The following MYRIP variants were observed in gnomAD, a reference collection of about 807,000 sequenced individuals.
The protein encoded by MYRIP is rab effector MyRIP.
Under a neutral mutation model 98.0 loss-of-function variants are expected in MYRIP, and 49 were observed. The observed-to-expected ratio is 0.50, with a 90% CI of 0.40 to 0.63. The LOEUF (loss-of-function observed/expected upper bound fraction) is 0.63, where lower values mean the gene tolerates loss of function less well. Among genes scored for constraint, MYRIP ranks in the 30% least tolerant of loss-of-function variants. The probability of loss-of-function intolerance (pLI) is 0.00; values close to 1 mark genes in which losing one functional copy is unlikely to be tolerated. For synonymous variants in MYRIP, 404 were observed against 409.5 expected (o/e 0.99, Z 0.16); for missense variants, 1,004 against 1,058.2 (o/e 0.95, Z 0.71).
chr3:40,169,814 C>A, intron 7 of MYRIP, 136 bp from the exon 8 acceptor site: 2 of 973,384 alleles, frequency 2.1e-6, no homozygotes, highest in Non-Finnish European at 3.1e-6. Context: ...TAGCGCAGAT[C>A]TGAAACAGCC....
rs575260755 is a variant in MYRIP, at chr3:40,161,477, A to C, written c.470-1253A>C. On this transcript the variant is annotated intron_variant, in intron 4 of 16. Transcript: ENST00000302541. The stretch of plus-strand genomic sequence containing the variant: ...GGCCTACAGGGCATGCCAGGCAGAG[A>C]CTTGCCCTGGTGTGCAGCTGCAGAG... Among the ~76,000 whole-genome samples the C allele has an allele frequency of 5.0e-4, 76 of 152,228 alleles. 1 individual carries two copies. Among genetic ancestry groups the C allele is most frequent in the African/African-American group, 1.8e-3 (73 of 41,542 alleles).
intron 10 of MYRIP, among the ~76,000 whole-genome samples, chr3:40,204,775 G>T (rs936434664): frequency 6.6e-6 from 1 of 152,150 alleles, no homozygotes; most frequent in Non-Finnish European, 1.5e-5. Flanking sequence ...CTTAGAGCTA[G>T]ATGGTGTCCT....
At position 39,870,094 on chromosome 3, in the gene MYRIP, T is replaced by C. The variant is rs78508675; in HGVS notation, c.-30-30693T>C. Among the ~76,000 whole-genome samples, 1,509 of 152,102 alleles carry C rather than the reference T, an allele frequency of 9.9e-3. 27 individuals carry two copies. Among genetic ancestry groups the C allele is most frequent in the African/African-American group, 0.035 (1,447 of 41,524 alleles). ...TTGCCATGACTGGAATGCAGTCACA[T>C]CCAGGGCAAGGGCAAGGGCAGGGGC... On this transcript the variant is annotated intron_variant, in intron 1 of 16. Transcript: ENST00000302541.
Position 40,180,821 on chromosome 3 carries a change from C to T in MYRIP, c.874-1399C>T, listed in dbSNP as rs530782340. Among the ~76,000 whole-genome samples the T allele has an allele frequency of 7.2e-5, 11 of 152,304 alleles. No homozygotes were observed. The East Asian group carries it at 1.5e-3, about 21-fold the overall frequency. On this transcript the variant is annotated intron_variant, in intron 8 of 16. Coordinates refer to ENST00000302541, the MANE Select transcript of MYRIP (RefSeq NM_015460.4). ...TCGTGGGGAAAGTAGAGGTTTCCTACGACTCTGAATCTGAACTGGCCTGCA... is the reference window on the plus strand; with the variant it reads ...TCGTGGGGAAAGTAGAGGTTTCCTATGACTCTGAATCTGAACTGGCCTGCA...
chr3:40,162,434 T>G (rs1424971786), intron 4 of MYRIP, among the ~76,000 whole-genome samples: 1 of 152,160 alleles, frequency 6.6e-6, no homozygotes, highest in Non-Finnish European at 1.5e-5. Flanking sequence ...ACCTTACATC[T>G]CTCAGACTTT....
chr3:40,224,401 CA>C (rs1264025236), intron 11 of MYRIP, among the ~76,000 whole-genome samples: 1 of 129,096 alleles, frequency 7.7e-6, no homozygotes, highest in African/African-American at 3.2e-5. Context: ...GAGGAACAGT[CA>C]GTATAAAAAA....
At chr3:39,949,271 C>T (rs1245119817) in intron 2 of MYRIP, among the ~76,000 whole-genome samples, 1 of 152,084 alleles carries the variant, frequency 6.6e-6, no homozygotes, top group African/African-American at 2.4e-5. Flanking sequence ...AAGCATATTA[C>T]AAGAAACTTG....
chr3:39,831,947 C>T (rs1941462780), intron 1 of MYRIP, among the ~76,000 whole-genome samples: 1 of 152,110 alleles, frequency 6.6e-6, no homozygotes, highest in Non-Finnish European at 1.5e-5. Context: ...ATATTCACAA[C>T]CAAGTTAAAG....
intron 2 of MYRIP, among the ~76,000 whole-genome samples, chr3:40,004,991 A>G (rs1946602065): frequency 1.3e-5 from 2 of 151,840 alleles, no homozygotes; most frequent in Non-Finnish European, 2.9e-5. Flanking sequence ...TCCATACTTA[A>G]TATTTAGCTC....
chr3:40,072,009 T>C (rs1353132470), intron 3 of MYRIP, among the ~76,000 whole-genome samples: 1 of 152,124 alleles, frequency 6.6e-6, no homozygotes. Flanking sequence ...CAGAATGGCA[T>C]GCCATTCAAA....
At chr3:39,958,059 G>C (rs1358915985) in intron 2 of MYRIP, among the ~76,000 whole-genome samples, 1 of 152,194 alleles carries the variant, frequency 6.6e-6, no homozygotes, top group South Asian at 2.1e-4. Flanking sequence ...AACATTCCAT[G>C]CTCATGGATA....
intron 2 of MYRIP, among the ~76,000 whole-genome samples, chr3:40,000,617 C>G (rs1267831798): frequency 6.6e-6 from 1 of 152,106 alleles, no homozygotes; most frequent in African/African-American, 2.4e-5. Flanking sequence ...CTGGGAGGTA[C>G]TTGAGGGACT....
At chr3:40,237,943 G>C (rs1575668032) in intron 12 of MYRIP, among the ~76,000 whole-genome samples, 1 of 152,320 alleles carries the variant, frequency 6.6e-6, no homozygotes, top group Non-Finnish European at 1.5e-5. Context: ...GGCCTTATTG[G>C]AGTTTTCATC....
chr3:39,985,999 A>G (rs956713828), intron 2 of MYRIP, among the ~76,000 whole-genome samples: 7 of 152,220 alleles, frequency 4.6e-5, no homozygotes, highest in Non-Finnish European at 1.0e-4. Context: ...AGCAAAAGAA[A>G]CTACCATCAG....
At chr3:40,199,687 C>G (rs1951499748) in intron 10 of MYRIP, among the ~76,000 whole-genome samples, 1 of 152,100 alleles carries the variant, frequency 6.6e-6, no homozygotes, top group African/African-American at 2.4e-5. Flanking sequence ...TAATCATTCC[C>G]CTCTGCCCTT....
intron 12 of MYRIP, among the ~76,000 whole-genome samples, chr3:40,240,248 T>C (rs1952964513): frequency 6.6e-6 from 1 of 152,166 alleles, no homozygotes; most frequent in South Asian, 2.1e-4. Context: ...GAGGGCTCTG[T>C]TGTGTTCCAT....
intron 2 of MYRIP, among the ~76,000 whole-genome samples, chr3:39,909,491 C>G (rs556295219): frequency 1.3e-5 from 2 of 152,052 alleles, no homozygotes; most frequent in African/African-American, 2.4e-5. Flanking sequence ...TGAGCTAAAT[C>G]CTATATGAAT....
intron 4 of MYRIP, among the ~76,000 whole-genome samples, chr3:40,152,175 C>T (rs1044302726): frequency 1.3e-5 from 2 of 152,156 alleles, no homozygotes; most frequent in African/African-American, 4.8e-5. Context: ...TCAACAATTT[C>T]TCTAAATACT....
rs1337744495 is a variant in MYRIP, at chr3:40,209,906, A to G, written c.1718A>G (p.Gln573Arg). The change falls in exon 11 of 17, where the codon CAG becomes CGG. Residue 573 changes from glutamine to arginine, a missense_variant. Transcript: ENST00000302541. ...ATCAGCAATGAGGCTCGGGATCCCCAGACTCTCACAGACACCACAGAGGAG... is the reference window on the plus strand; with the variant it reads ...ATCAGCAATGAGGCTCGGGATCCCCGGACTCTCACAGACACCACAGAGGAG... ...TDISNEARDP[Q>R]TLTDTTEEKR... 1 of 1,614,010 alleles carries G rather than the reference A, an allele frequency of 6.2e-7. No homozygotes were observed. Among genetic ancestry groups the G allele is most frequent in the Admixed American group, 1.7e-5 (1 of 59,998 alleles).
Sources: gnomAD v4.1 joint callset for allele counts (sites outside exome capture counted in the v4.1 genomes callset) on GRCh38, gnomAD v4.1.1 for gene constraint, MANE v1.5 for transcripts, NCBI Gene and HGNC (gene_info 2026-07-23, HGNC 2026-07-21) for gene names.